The following ENTREP2 variants were observed in gnomAD, a reference collection of about 807,000 sequenced individuals.
ENTREP2 encodes the protein endosomal transmembrane epsin interactor 2, also known as protein ENTREP2.
chr15:29,442,793 G>C, the ENTREP2 span, among the ~76,000 whole-genome samples: 2 of 152,202 alleles, frequency 1.3e-5, no homozygotes, highest in East Asian at 3.9e-4. Context: ...AAGATGAAAA[G>C]GCTGTTTGCA....
chr15:29,380,716 G>A, the ENTREP2 span, among the ~76,000 whole-genome samples: 4 of 152,022 alleles, frequency 2.6e-5, no homozygotes, highest in Non-Finnish European at 5.9e-5. Flanking sequence ...AGAATTTTAG[G>A]GTTCCCCCAA....
At chr15:29,175,443 G>T in the ENTREP2 span, among the ~76,000 whole-genome samples, 1 of 152,194 alleles carries the variant, frequency 6.6e-6, no homozygotes, top group Non-Finnish European at 1.5e-5. Flanking sequence ...TTCAGCAGAG[G>T]ACTTTCAGGC....
At chr15:29,497,170 T>C in the ENTREP2 span, among the ~76,000 whole-genome samples, 2 of 152,200 alleles carry the variant, frequency 1.3e-5, no homozygotes, top group African/African-American at 4.8e-5. Flanking sequence ...AGCAAGAGGA[T>C]CCTCACCAGA....
chr15:29,427,010 T>C, the ENTREP2 span, among the ~76,000 whole-genome samples: 1 of 152,176 alleles, frequency 6.6e-6, no homozygotes, highest in African/African-American at 2.4e-5. Flanking sequence ...ACTGTAGCCA[T>C]GTGGCCTCCA....
chr15:29,500,311 G>A, the ENTREP2 span, among the ~76,000 whole-genome samples: 2 of 152,122 alleles, frequency 1.3e-5, no homozygotes, highest in South Asian at 2.1e-4. Flanking sequence ...AAGCATACAT[G>A]GAACATTTTC....
the ENTREP2 span, among the ~76,000 whole-genome samples, chr15:29,464,082 G>C: frequency 3.3e-5 from 5 of 152,186 alleles, no homozygotes; most frequent in Non-Finnish European, 7.3e-5. Flanking sequence ...AATGGGGACA[G>C]TTTTAGTTGA....
chr15:29,329,166 T>C, the ENTREP2 span, among the ~76,000 whole-genome samples: 11 of 151,998 alleles, frequency 7.2e-5, no homozygotes, highest in Non-Finnish European at 1.2e-4. Context: ...ATCGAGACCA[T>C]CCTGGCTAAC....
chr15:29,234,900 GATTACTA>G, the ENTREP2 span: 13 of 1,521,802 alleles, frequency 8.5e-6, no homozygotes, highest in Non-Finnish European at 1.2e-5. Context: ...CTGCTGTAGG[GATTACTA>G]ATTACTAATT....
chr15:29,474,717 G>A, the ENTREP2 span, among the ~76,000 whole-genome samples: 21 of 152,030 alleles, frequency 1.4e-4, no homozygotes, highest in African/African-American at 4.6e-4. Flanking sequence ...ACCACTCCCA[G>A]CTAATTTTTG....
the ENTREP2 span, among the ~76,000 whole-genome samples, chr15:29,488,347 A>C: frequency 0.046 from 7,059 of 152,292 alleles, 543 homozygotes; most frequent in African/African-American, 0.16. Flanking sequence ...ACCCGCGAAC[A>C]TAAAGACAGG....
At chr15:29,378,272 T>C in the ENTREP2 span, among the ~76,000 whole-genome samples, 3 of 151,776 alleles carry the variant, frequency 2.0e-5, no homozygotes, top group African/African-American at 7.3e-5. Context: ...GATAAGGACA[T>C]ACAGGTCCCA....
chr15:29,267,739 A>T, the ENTREP2 span: 21 of 152,246 alleles, frequency 1.4e-4, no homozygotes, highest in Non-Finnish European at 2.1e-4. Flanking sequence ...AGTTATATTT[A>T]AAAAGTGGCA....
the ENTREP2 span, among the ~76,000 whole-genome samples, chr15:29,655,721 A>C: frequency 6.6e-6 from 1 of 151,918 alleles, no homozygotes; most frequent in Non-Finnish European, 1.5e-5. Flanking sequence ...TGCTAGAATT[A>C]AAAAACAAAA....
the ENTREP2 span, among the ~76,000 whole-genome samples, chr15:29,650,960 C>T: frequency 1.7e-3 from 262 of 152,208 alleles, no homozygotes; most frequent in African/African-American, 6.1e-3. Flanking sequence ...AGACTGCAGT[C>T]AGCTATGATT....
At chr15:29,603,181 G>A in the ENTREP2 span, among the ~76,000 whole-genome samples, 2 of 152,318 alleles carry the variant, frequency 1.3e-5, no homozygotes, top group East Asian at 3.9e-4. Flanking sequence ...GAGATGTGAT[G>A]TGACCTGGCC....
chr15:29,330,867 T>C, the ENTREP2 span, among the ~76,000 whole-genome samples: 1 of 152,228 alleles, frequency 6.6e-6, no homozygotes, highest in African/African-American at 2.4e-5. Context: ...TCTGTTCATA[T>C]AAAACTATTC....
the ENTREP2 span, among the ~76,000 whole-genome samples, chr15:29,401,900 T>G: frequency 2.0e-5 from 3 of 152,158 alleles, no homozygotes; most frequent in African/African-American, 7.2e-5. Flanking sequence ...GATCTCTGTG[T>G]AAACAAGAAG....
the ENTREP2 span, among the ~76,000 whole-genome samples, chr15:29,217,823 G>A: frequency 3.9e-5 from 6 of 152,106 alleles, no homozygotes; most frequent in African/African-American, 7.2e-5. Flanking sequence ...GGGTGTTAAA[G>A]TTTTGTCATA....
At chr15:29,458,656 C>A in the ENTREP2 span, among the ~76,000 whole-genome samples, 2 of 152,176 alleles carry the variant, frequency 1.3e-5, no homozygotes, top group East Asian at 1.9e-4. Flanking sequence ...TCAGTCGACC[C>A]AACTTCTCCA....
Sources: allele counts gnomAD v4.1 joint callset (sites outside exome capture counted in the v4.1 genomes callset), GRCh38; gene constraint gnomAD v4.1.1; transcripts MANE v1.5; gene names NCBI Gene and HGNC (gene_info 2026-07-23, HGNC 2026-07-21).